The following DNM3 variants were observed in gnomAD, a reference collection of about 807,000 sequenced individuals.
DNM3 encodes the protein dynamin 3, also known as dynamin-3.
A neutral mutation model predicts 101.6 loss-of-function variants in DNM3; 47 were observed. That is an observed-to-expected ratio of 0.46 (90% CI 0.37 to 0.59). DNM3 has a LOEUF of 0.59. Ranked by LOEUF, DNM3 falls within the 20% of genes least tolerant of loss-of-function variation. DNM3 has a pLI of 0.00. For missense variants in DNM3, 849 were observed against 1,085.7 expected, an observed-to-expected ratio of 0.78 and a Z score of 3.06; for synonymous variants, 385 against 387.9, an observed-to-expected ratio of 0.99 and a Z score of 0.09.
intron 20 of DNM3, among the ~76,000 whole-genome samples, chr1:172,398,323 T>A (rs2070188143): frequency 6.6e-6 from 1 of 152,222 alleles, no homozygotes; most frequent in African/African-American, 2.4e-5. Flanking sequence ...AACACTTGCC[T>A]GCTAGCTGTG....
At chr1:172,156,190 C>T (rs1264894172) in intron 14 of DNM3, among the ~76,000 whole-genome samples, 1 of 151,946 alleles carries the variant, frequency 6.6e-6, no homozygotes, top group Non-Finnish European at 1.5e-5. Context: ...ATTTAGCAAC[C>T]CAGACAGTAG....
rs572876424 is a variant in DNM3 at position 172,367,570 on chromosome 1, CAAGATT to C, written c.1894-11444_1894-11439del. On this transcript the variant is annotated intron_variant, in intron 17 of 20. Transcript: ENST00000627582. Reference sequence around the variant, plus strand: ...AACAATGAGAAGACAAAAAAGATGACAAGATTAAGTCCTCTCCTAACAATAATAACC... The same window carrying C: ...AACAATGAGAAGACAAAAAAGATGACAAGTCCTCTCCTAACAATAATAACC... Among the ~76,000 whole-genome samples, 3 of 151,932 alleles carry C rather than the reference CAAGATT, an allele frequency of 2.0e-5. No individual in the cohort carries two copies. The South Asian group carries it at 6.2e-4, about 32-fold the overall frequency.
chr1:172,292,502 A>T (rs191575584), intron 15 of DNM3, among the ~76,000 whole-genome samples: 1 of 152,284 alleles, frequency 6.6e-6, no homozygotes, highest in Non-Finnish European at 1.5e-5. Flanking sequence ...GAACAAATGC[A>T]TAGGAGAGCT....
chr1:171,907,660 A>C (rs1368731800), intron 1 of DNM3, among the ~76,000 whole-genome samples: 1 of 152,062 alleles, frequency 6.6e-6, no homozygotes, highest in Non-Finnish European at 1.5e-5. Context: ...CCCCTTGCTC[A>C]TTCCTCTCTA....
chr1:172,023,420 T>G (rs559729223), intron 4 of DNM3, among the ~76,000 whole-genome samples: 1 of 152,296 alleles, frequency 6.6e-6, no homozygotes, highest in African/African-American at 2.4e-5. Context: ...TCACGTTTAT[T>G]GAAAATTTAG....
chr1:172,130,013 A>G (rs1307878136), intron 13 of DNM3, among the ~76,000 whole-genome samples: 2 of 152,120 alleles, frequency 1.3e-5, no homozygotes, highest in Non-Finnish European at 2.9e-5. Context: ...GGCTGGAAAT[A>G]TGGAGAGAGG....
At chr1:172,017,945 A>G (rs1341030238) in intron 4 of DNM3, among the ~76,000 whole-genome samples, 1 of 152,120 alleles carries the variant, frequency 6.6e-6, no homozygotes. Flanking sequence ...TTATTATTAT[A>G]TAATGCCCCT....
chr1:172,094,775 A>T (rs6676154), intron 13 of DNM3, among the ~76,000 whole-genome samples: 46,472 of 152,066 alleles, frequency 0.31, 8,580 homozygotes, highest in Non-Finnish European at 0.4. Context: ...GAACAACAAA[A>T]CACTTGGGAA....
intron 4 of DNM3, among the ~76,000 whole-genome samples, chr1:172,026,436 A>G (rs1332428720): frequency 6.6e-6 from 1 of 152,202 alleles, no homozygotes; most frequent in Non-Finnish European, 1.5e-5. Flanking sequence ...GCCAACAGTC[A>G]AATTCAGGAA....
chr1:172,058,734 G>A (rs997324821), intron 10 of DNM3, among the ~76,000 whole-genome samples: 15 of 151,566 alleles, frequency 9.9e-5, no homozygotes, highest in African/African-American at 3.4e-4. Flanking sequence ...ATGCCCACAA[G>A]AGAAAGCAGG....
intron 17 of DNM3, among the ~76,000 whole-genome samples, chr1:172,373,080 A>G (rs550333631): frequency 1.3e-5 from 2 of 152,222 alleles, no homozygotes; most frequent in East Asian, 1.9e-4. Flanking sequence ...AAGTGTTTAT[A>G]TGGATTAAAT....
At chr1:171,913,744 TA>T (rs770449662) in intron 1 of DNM3, among the ~76,000 whole-genome samples, 8 of 152,164 alleles carry the variant, frequency 5.3e-5, no homozygotes, top group Non-Finnish European at 1.2e-4. Context: ...GTTGGATCAG[TA>T]TATTGAAATA....
chr1:171,958,468 A>C (rs1339172190), intron 2 of DNM3, among the ~76,000 whole-genome samples: 1 of 152,230 alleles, frequency 6.6e-6, no homozygotes, highest in Non-Finnish European at 1.5e-5. Context: ...GTTGGAACAG[A>C]AGCTTGGAAG....
chr1:172,176,242 T>G (rs376643251), intron 14 of DNM3, among the ~76,000 whole-genome samples: 7 of 151,788 alleles, frequency 4.6e-5, no homozygotes, highest in African/African-American at 1.7e-4. Context: ...GGAGAGAAGA[T>G]ACAATTTTTC....
At chr1:172,401,584 A>G (rs1301584728) in intron 20 of DNM3, among the ~76,000 whole-genome samples, 2 of 152,162 alleles carry the variant, frequency 1.3e-5, no homozygotes, top group East Asian at 3.9e-4. Flanking sequence ...TCATGGGTTC[A>G]TTTTCACAGG....
intron 13 of DNM3, among the ~76,000 whole-genome samples, chr1:172,115,648 C>T (rs1348015872): frequency 6.6e-6 from 1 of 152,192 alleles, no homozygotes; most frequent in East Asian, 1.9e-4. Context: ...GACTTTTGTA[C>T]TTATTCACTG....
intron 4 of DNM3, among the ~76,000 whole-genome samples, chr1:172,014,429 T>G (rs1169189748): frequency 6.6e-6 from 1 of 152,162 alleles, no homozygotes. Flanking sequence ...TGAATGAGAG[T>G]TCCTGTTGCT....
intron 14 of DNM3, among the ~76,000 whole-genome samples, chr1:172,239,284 C>A (rs1371825970): frequency 1.3e-5 from 2 of 152,156 alleles, no homozygotes; most frequent in Non-Finnish European, 2.9e-5. Context: ...CAAAAGCTTA[C>A]AAGTATAAAA....
Position 172,412,575 on chromosome 1 carries a change from T to C in DNM3, c.*4734T>C, listed in dbSNP as rs1260992688. 4 of 985,828 alleles carry C rather than the reference T, an allele frequency of 4.1e-6. No individual in the cohort carries two copies. Among genetic ancestry groups the C allele is most frequent in the Non-Finnish European group, 4.8e-6 (4 of 829,876 alleles). 61.1% of individuals were successfully genotyped at this position (985,828 alleles called of 1,614,324 possible). ...GTCTTCTTGGCACTTTCAGGATTTC[T>C]TAATGCTGATATATGGACTCTTAGA... On this transcript the variant is annotated 3_prime_UTR_variant, in exon 21 of 21. Coordinates refer to ENST00000627582, the MANE Select transcript of DNM3 (RefSeq NM_015569.5).
Sources: allele counts gnomAD v4.1 joint callset (sites outside exome capture counted in the v4.1 genomes callset), GRCh38; gene constraint gnomAD v4.1.1; transcripts MANE v1.5; gene names NCBI Gene and HGNC (gene_info 2026-07-23, HGNC 2026-07-21).